OR10R2: variants seen among roughly 807,000 people sequenced by gnomAD.
The protein encoded by OR10R2 is olfactory receptor family 10 subfamily R member 2, also known as olfactory receptor 10R2.
In OR10R2, 1 loss-of-function variant was observed where a neutral mutation model predicts 2.4. The observed-to-expected ratio is 0.41, with a 90% CI of 0.15 to 1.95. The LOEUF (loss-of-function observed/expected upper bound fraction) is 1.95, where lower values mean the gene tolerates loss of function less well. Ranked by LOEUF, OR10R2 falls within the 30% of genes most tolerant of loss-of-function variation. The probability of loss-of-function intolerance (pLI) is 0.30; values close to 1 mark genes in which losing one functional copy is unlikely to be tolerated. For synonymous variants in OR10R2, 166 were observed against 144.8 expected, an observed-to-expected ratio of 1.15 and a Z score of -1.05; for missense variants, 419 against 373.0, an observed-to-expected ratio of 1.12 and a Z score of -1.01.
At position 158,480,375 on chromosome 1, in the gene OR10R2, T is replaced by G. The variant is rs745827584; in HGVS notation, c.465T>G (p.Ala155=). 8 of 1,614,180 alleles carry G rather than the reference T, an allele frequency of 5.0e-6. No individual in the cohort carries two copies. In the South Asian group the frequency reaches 8.8e-5, roughly 18 times the overall value. ...GGCAGGTGTGTGGAAAACTGGCAGC[T>G]GCCTGTGCAATTGGTGGCTTCTTGG... The change falls in exon 2 of 2, where the codon GCT becomes GCG. Residue 155 remains alanine (A), a synonymous_variant. Transcript: ENST00000641067.
exon 2 of OR10R2, chr1:158,480,685 G>T: frequency 1.2e-6 from 2 of 1,613,684 alleles, no homozygotes; most frequent in East Asian, 4.5e-5. Flanking sequence ...TGTTGTTATT[G>T]TTCATTATGG....
At chr1:158,480,760 A>G (rs1231722654) in exon 2 of OR10R2, 2 of 1,613,564 alleles carry the variant, frequency 1.2e-6, no homozygotes, top group Admixed American at 3.3e-5. Context: ...CAGGCTGGTG[A>G]CGGTGACATA....
exon 2 of OR10R2, chr1:158,480,693 T>C (rs1196301923): frequency 6.2e-7 from 1 of 1,613,566 alleles, no homozygotes; most frequent in Admixed American, 1.7e-5. Context: ...TTGTTCATTA[T>C]GGCTGTGCTT....
At chr1:158,472,318 G>T (rs1349990011) in exon 1 of OR10R2, 10 of 398,890 alleles carry the variant, frequency 2.5e-5, no homozygotes, top group Admixed American at 4.4e-5. Flanking sequence ...CCATACAGAA[G>T]AGGCACAATG....
chr1:158,479,397 C>T (rs1656333888), intron 1 of OR10R2, among the ~76,000 whole-genome samples: 1 of 151,946 alleles, frequency 6.6e-6, no homozygotes, highest in African/African-American at 2.4e-5. Flanking sequence ...ATAATTTAAC[C>T]CAGCAATGTT....
intron 1 of OR10R2, among the ~76,000 whole-genome samples, chr1:158,472,677 T>C (rs1656186299): frequency 6.6e-6 from 1 of 152,234 alleles, no homozygotes; most frequent in Non-Finnish European, 1.5e-5. Flanking sequence ...TCAGAAATTG[T>C]TGAGATTTTC....
At chr1:158,479,014 A>C (rs1420549942) in intron 1 of OR10R2, among the ~76,000 whole-genome samples, 1 of 152,152 alleles carries the variant, frequency 6.6e-6, no homozygotes, top group African/African-American at 2.4e-5. Flanking sequence ...GGGCATTACT[A>C]GAGTGGTAAA....
At chr1:158,478,893 A>T (rs1277554733) in intron 1 of OR10R2, among the ~76,000 whole-genome samples, 1 of 152,126 alleles carries the variant, frequency 6.6e-6, no homozygotes, top group East Asian at 1.9e-4. Context: ...AATTCAATCC[A>T]TCTATATTGA....
chr1:158,480,910 T>A, exon 2 of OR10R2: 1 of 1,059,310 alleles, frequency 9.4e-7, no homozygotes, highest in Non-Finnish European at 1.3e-6. Flanking sequence ...TTAGATTTCT[T>A]AATAAATAAT....
intron 1 of OR10R2, 141 bp from the exon 2 acceptor site, chr1:158,479,797 T>G: frequency 6.4e-6 from 5 of 782,234 alleles, no homozygotes; most frequent in Non-Finnish European, 8.6e-6. Flanking sequence ...CCAATGAACA[T>G]GAGAGGTAGT....
At chr1:158,475,482 A>G (rs2220633) in intron 1 of OR10R2, among the ~76,000 whole-genome samples, 83,419 of 151,728 alleles carry the variant, frequency 0.55, 23,051 homozygotes, top group Middle Eastern at 0.63. Context: ...TATTTGAAAT[A>G]CACTTCAAGT....
At position 158,480,156 on chromosome 1, in the gene OR10R2, C is replaced by T. The variant is rs1412201974; in HGVS notation, c.246C>T (p.Tyr82=). Residue 82 remains tyrosine, a synonymous_variant, in exon 2 of 2, where the codon TAC becomes TAT. Coordinates refer to ENST00000641067, the Ensembl canonical transcript of OR10R2. ...TTCTCTCAACATCTGAGACCTTCTA[C>T]ACCTTTGTCATTCTACCCAAGATGC... 6 of 1,613,920 alleles carry T rather than the reference C, an allele frequency of 3.7e-6. No homozygotes were observed. The Admixed American group carries it at 8.3e-5, about 22-fold the overall frequency.
intron 1 of OR10R2, among the ~76,000 whole-genome samples, chr1:158,478,816 G>C (rs942352340): frequency 6.6e-6 from 1 of 152,094 alleles, no homozygotes; most frequent in Non-Finnish European, 1.5e-5. Flanking sequence ...GTCATAATCT[G>C]TTTGCTCATT....
chr1:158,475,692 T>A (rs1213580565), intron 1 of OR10R2, among the ~76,000 whole-genome samples: 2 of 151,738 alleles, frequency 1.3e-5, no homozygotes, highest in Non-Finnish European at 2.9e-5. Context: ...TTATTTCTAA[T>A]TGTGCCTTTC....
intron 1 of OR10R2, among the ~76,000 whole-genome samples, chr1:158,478,028 C>G (rs1029361714): frequency 3.3e-5 from 5 of 152,120 alleles, no homozygotes; most frequent in African/African-American, 1.2e-4. Context: ...TGATCTTCAA[C>G]AAGGCTGACA....
At chr1:158,480,499 G>C in exon 2 of OR10R2, 1 of 1,613,402 alleles carries the variant, frequency 6.2e-7, no homozygotes, top group Non-Finnish European at 8.5e-7. Context: ...CATTCTTCTG[G>C]CTTGTACCAA....
exon 2 of OR10R2, chr1:158,480,008 A>G: frequency 3.7e-6 from 6 of 1,613,956 alleles, no homozygotes; most frequent in Non-Finnish European, 5.1e-6. Flanking sequence ...GGTGAAATTC[A>G]GCTGGCCCTC....
chr1:158,480,892 AT>A, exon 2 of OR10R2: 2 of 1,199,436 alleles, frequency 1.7e-6, no homozygotes, highest in South Asian at 1.6e-5. Flanking sequence ...TTGAAATATT[AT>A]TACATTTTAG....
At chr1:158,480,364 A>G in exon 2 of OR10R2, 1 of 1,614,116 alleles carries the variant, frequency 6.2e-7, no homozygotes. Context: ...GGTGTGTGGA[A>G]AACTGGCAGC....
Sources: allele counts gnomAD v4.1 joint callset (sites outside exome capture counted in the v4.1 genomes callset), GRCh38; gene constraint gnomAD v4.1.1; transcripts MANE v1.5; gene names NCBI Gene and HGNC (gene_info 2026-07-23, HGNC 2026-07-21).